SELE: variants seen among roughly 807,000 people sequenced by gnomAD.
The protein encoded by SELE is selectin E.
Under a neutral mutation model 75.8 loss-of-function variants are expected in SELE, and 52 were observed. The ratio of observed to expected loss-of-function variants is 0.69; its 90% CI spans 0.55 to 0.86. The LOEUF (loss-of-function observed/expected upper bound fraction) is 0.86, where lower values mean the gene tolerates loss of function less well. Among genes scored for constraint, SELE ranks in the 40% least tolerant of loss-of-function variants. The pLI is 0.00. For synonymous variants in SELE, 285 were observed against 258.7 expected, an observed-to-expected ratio of 1.10 and a Z score of -0.98; for missense variants, 754 against 732.7, an observed-to-expected ratio of 1.03 and a Z score of -0.34.
At chr1:169,724,879 C>T (rs181675615) in intron 13 of SELE, among the ~76,000 whole-genome samples, 11 of 152,170 alleles carry the variant, frequency 7.2e-5, no homozygotes, top group African/African-American at 2.6e-4. Context: ...AACTTAAAAC[C>T]GCACACACAA....
chr1:169,733,153 C>T (rs940093066), intron 2 of SELE, among the ~76,000 whole-genome samples, 155 bp from the exon 3 acceptor site: 1 of 152,180 alleles, frequency 6.6e-6, no homozygotes, highest in Non-Finnish European at 1.5e-5. Context: ...TATGAAGAAA[C>T]AGCGACTTAT....
At position 169,733,969 on chromosome 1, in the gene SELE, A is replaced by G; in HGVS notation, c.-49+2T>C. 4.2e-6 allele frequency: 1 copy of G among 239,250 alleles called. No individual in the cohort carries two copies. Among genetic ancestry groups the G allele is most frequent in the Non-Finnish European group, 8.2e-6 (1 of 121,970 alleles). The allele number at this position is 239,250 out of a possible 1,614,324, so 14.8% of individuals were successfully genotyped here. A position where few individuals can be genotyped will look rare whatever the true frequency, so the allele number is the denominator to read the frequency against. Reference sequence around the variant, plus strand: ...TGCCCTTATAAAGCGTTCTGCACTTACCGTTTTGGGAAGCAGTTGTTCAAA... The same window carrying G: ...TGCCCTTATAAAGCGTTCTGCACTTGCCGTTTTGGGAAGCAGTTGTTCAAA... On this transcript the variant is annotated splice_donor_variant, in intron 1 of 13. Transcript: ENST00000333360. LOFTEE classifies it low-confidence loss of function (5UTR_SPLICE).
chr1:169,733,703 G>A (rs779159105), intron 1 of SELE, 43 bp from the exon 2 acceptor site: 94 of 1,306,844 alleles, frequency 7.2e-5, no homozygotes, highest in Non-Finnish European at 9.8e-5. Context: ...AGGAAATCGT[G>A]GGTAGCTAGT....
In SELE at chr1:169,723,700, A is replaced by C. The variant is rs928972774; in HGVS notation, c.*825T>G. On this transcript the variant is annotated 3_prime_UTR_variant, in exon 14 of 14. Coordinates refer to ENST00000333360, the MANE Select transcript of SELE (RefSeq NM_000450.2). ...GGGGACAATAGTTTCCCTTTTTGAA[A>C]TAAATTTAAAACAGATGTAACATAA... is the stretch of plus-strand genomic sequence containing the variant. 6.6e-6 allele frequency: 1 copy of C among 152,236 alleles called. No homozygotes were observed. Among genetic ancestry groups the C allele is most frequent in the African/African-American group, 2.4e-5 (1 of 41,464 alleles). 9.4% of individuals were successfully genotyped at this position (152,236 alleles called of 1,614,324 possible).
chr1:169,726,916 G>A, intron 10 of SELE, 110 bp from the exon 11 acceptor site: 1 of 730,114 alleles, frequency 1.4e-6, no homozygotes, highest in African/African-American at 1.8e-5. Context: ...GAGCAGAAGA[G>A]CTATCTAGTT....
intron 4 of SELE, 75 bp from the exon 5 acceptor site, chr1:169,730,692 A>C (rs1162537481): frequency 5.9e-6 from 5 of 846,278 alleles, no homozygotes; most frequent in Non-Finnish European, 8.1e-6. Flanking sequence ...CTAGAACTAC[A>C]GTTTGGTTTT....
Position 169,725,934 on chromosome 1 carries a change from A to G in SELE, c.1754-6T>C. The G allele has an allele frequency of 1.9e-6, 3 of 1,613,956 alleles. No individual in the cohort carries two copies. The highest frequency in any genetic ancestry group is 2.5e-6 in the Non-Finnish European group (3 of 1,179,908). Reference sequence around the variant, plus strand: ...GGCAGGAACAAATTTCTTTGCTGCAAAAGAAAAGACAAACAACCATTAATT... The same window carrying G: ...GGCAGGAACAAATTTCTTTGCTGCAGAAGAAAAGACAAACAACCATTAATT... On this transcript the variant is annotated splice_polypyrimidine_tract_variant and splice_region_variant and intron_variant, in intron 11 of 13. Coordinates refer to ENST00000333360, the MANE Select transcript of SELE (RefSeq NM_000450.2).
At chr1:169,730,132 T>G (rs2101992392) in intron 5 of SELE, among the ~76,000 whole-genome samples, 1 of 152,266 alleles carries the variant, frequency 6.6e-6, no homozygotes, top group Admixed American at 6.5e-5. Context: ...TTGGAAAAGT[T>G]AAACAGGGAA....
chr1:169,728,589 C>A (rs958415311), intron 7 of SELE, among the ~76,000 whole-genome samples: 9 of 152,132 alleles, frequency 5.9e-5, no homozygotes, highest in African/African-American at 2.2e-4. Context: ...AAAGAAAGCA[C>A]CCCTATAAAA....
rs373018026 is a variant in SELE at position 169,728,182 on chromosome 1, A to T, written c.1155T>A (p.Ser385=). The T allele has an allele frequency of 1.9e-6, 3 of 1,614,110 alleles. No individual in the cohort carries two copies. Among genetic ancestry groups the T allele is most frequent in the Non-Finnish European group, 2.5e-6 (3 of 1,180,044 alleles). ...AGCTGGACCCATAACGGAAACTGCC[A>T]GAAGCACTAGGAAGACAATTCATGT... ...RGYMNCLPSA[S]GSFRYGSSCE... The change falls in exon 8 of 14, where the codon TCT becomes TCA. Residue 385 remains serine, a synonymous_variant. Coordinates refer to ENST00000333360, the MANE Select transcript of SELE (RefSeq NM_000450.2).
intron 4 of SELE, 79 bp downstream of exon 4, chr1:169,731,756 A>C: frequency 1.1e-6 from 1 of 915,016 alleles, no homozygotes; most frequent in Non-Finnish European, 1.8e-6. Flanking sequence ...GAAGGCATGC[A>C]GACCTGACTC....
At position 169,728,249 on chromosome 1, in the gene SELE, G is replaced by T. The variant is rs376757743; in HGVS notation, c.1091-3C>A. 6.2e-6 allele frequency: 10 copies of T among 1,612,160 alleles called. No homozygotes were observed. The African/African-American group carries it at 1.2e-4, about 19-fold the overall frequency. On this transcript the variant is annotated splice_polypyrimidine_tract_variant and splice_region_variant and intron_variant, in intron 7 of 13. Transcript: ENST00000333360. ...GGACAAGGCTGTGCACTGGAAAGCT[G>T]AGACATCAAAATGATGGTCAGAAAA...
chr1:169,726,310 C>G (rs558856412), intron 11 of SELE, among the ~76,000 whole-genome samples: 2 of 152,164 alleles, frequency 1.3e-5, no homozygotes, highest in Non-Finnish European at 2.9e-5. Context: ...TGAGTGTAGT[C>G]AGATGTGCTT....
chr1:169,732,967 A>G lies in SELE; in HGVS notation c.69T>C (p.Ser23=). ...VLLIKESGAW[S]YNTSTEAMTY... ...TCATAGCTTCCGTGGAGGTGTTGTA[A>G]GACCAGGCTCCACTCTCTTTAATGA... The change falls in exon 3 of 14, where the codon TCT becomes TCC. Residue 23 remains serine, a synonymous_variant. Coordinates refer to ENST00000333360, the MANE Select transcript of SELE (RefSeq NM_000450.2). The G allele has an allele frequency of 6.2e-7, 1 of 1,606,470 alleles. No individual in the cohort carries two copies. The highest frequency in any genetic ancestry group is 2.2e-5 in the East Asian group (1 of 44,858).
intron 13 of SELE, among the ~76,000 whole-genome samples, chr1:169,725,200 A>AAAAAATACAAAATCTCTACT (rs1648711646): frequency 1.3e-5 from 2 of 152,082 alleles, no homozygotes; most frequent in Non-Finnish European, 2.9e-5. Context: ...CAACATGACG[A>AAAAAATACAAAATCTCTACT]AAAAATACAA....
rs1028600354 is a variant in SELE, at chr1:169,732,912, G to T, written c.124C>A (p.Gln42Lys). ...ATTGCAACCAGGTGTGTGTACCTTT[G>T]CTGACAATAAGCACTGGCCTCATCA... ...TYDEASAYCQ[Q>K]RYTHLVAIQN... Residue 42 changes from glutamine to lysine, a missense_variant, in exon 3 of 14, where the codon CAA becomes AAA. Transcript: ENST00000333360. 5 of 1,614,072 alleles carry T rather than the reference G, an allele frequency of 3.1e-6. No homozygotes were observed. The highest frequency in any genetic ancestry group is 4.2e-6 in the Non-Finnish European group (5 of 1,180,008).
At chr1:169,725,493 G>A (rs1047083344) in intron 13 of SELE, among the ~76,000 whole-genome samples, 1 of 152,068 alleles carries the variant, frequency 6.6e-6, no homozygotes, top group Admixed American at 6.6e-5. Context: ...TGCAATGTAA[G>A]GGTCAGCTAT....
In SELE at chr1:169,726,752, G is replaced by C. The variant is rs1648783600; in HGVS notation, c.1700C>G (p.Ser567Cys). ...GAGAAATGGTGCTAATGTCAGGAGG[G>C]AGAGTCCAGCAGCAGAAAGTCCAGC... The part of the protein sequence containing the change: ...LVAGLSAAGL[S>C]LLTLAPFLLW... The change falls in exon 11 of 14, where the codon TCC (serine) becomes TGC (cysteine). Residue 567 changes from serine to cysteine, a missense_variant. Physicochemically the swap from Ser to Cys is moderately radical, Grantham distance 112. Transcript: ENST00000333360. 2 of 1,613,970 alleles carry C rather than the reference G, an allele frequency of 1.2e-6. No individual in the cohort carries two copies. The highest frequency in any genetic ancestry group is 1.7e-6 in the Non-Finnish European group (2 of 1,179,956).
rs1237302049 is a variant in SELE, at chr1:169,725,727, ACCTGATTCTT to A, written c.*7_*15+1del. The A allele has an allele frequency of 6.2e-7, 1 of 1,611,424 alleles. No individual in the cohort carries two copies. Among genetic ancestry groups the A allele is most frequent in the African/African-American group, 1.3e-5 (1 of 74,882 alleles). ...TAACCATTTGTGATTTACAAGTCTT[ACCTGATTCTT>A]TTGAACTTAAAGGATGTAAGAAGGC... On this transcript the variant is annotated splice_donor_variant and 3_prime_UTR_variant, in exon 13 of 14. Coordinates refer to ENST00000333360, the MANE Select transcript of SELE (RefSeq NM_000450.2). LOFTEE classifies it low-confidence loss of function (3UTR_SPLICE).
Sources: allele counts gnomAD v4.1 joint callset (sites outside exome capture counted in the v4.1 genomes callset), GRCh38; gene constraint gnomAD v4.1.1; transcripts MANE v1.5; gene names NCBI Gene and HGNC (gene_info 2026-07-23, HGNC 2026-07-21).